Variants in SORCS1 observed in about 807,000 individuals in gnomAD.
The protein encoded by SORCS1 is sortilin related VPS10 domain containing receptor 1.
SORCS1 carries 60 observed loss-of-function variants against 146.1 expected under a neutral mutation model. The ratio of observed to expected loss-of-function variants is 0.41; its 90% confidence interval spans 0.33 to 0.51. The LOEUF (loss-of-function observed/expected upper bound fraction) is 0.51. Among genes scored for constraint, SORCS1 ranks in the 20% least tolerant of loss-of-function variants. The pLI is 0.21. For synonymous variants in SORCS1, 637 were observed against 584.0 expected (o/e 1.09, Z -1.31); for missense variants, 1,352 against 1,487.6 (o/e 0.91, Z 1.50).
At chr10:106,758,937 G>A (rs925767948) in intron 5 of SORCS1, among the ~76,000 whole-genome samples, 1 of 152,148 alleles carries the variant, frequency 6.6e-6, no homozygotes, top group Non-Finnish European at 1.5e-5. Flanking sequence ...CATTATGATA[G>A]GGGAAAAAGT....
chr10:107,094,393 A>G (rs966626304), intron 1 of SORCS1, among the ~76,000 whole-genome samples: 4 of 152,174 alleles, frequency 2.6e-5, no homozygotes, highest in Non-Finnish European at 2.9e-5. Flanking sequence ...GTTGGAAAAC[A>G]TTTCTAAATA....
intron 5 of SORCS1, among the ~76,000 whole-genome samples, chr10:106,754,277 A>G (rs1858473735): frequency 6.6e-6 from 1 of 152,220 alleles, no homozygotes; most frequent in Non-Finnish European, 1.5e-5. Context: ...AAGCTTCTAG[A>G]GGCCACTGCA....
intron 3 of SORCS1, among the ~76,000 whole-genome samples, chr10:106,789,544 T>C (rs535150612): frequency 2.6e-5 from 4 of 152,364 alleles, no homozygotes; most frequent in Admixed American, 2.0e-4. Flanking sequence ...TGCTAAAGTA[T>C]AGCAAGAGTG....
intron 2 of SORCS1, among the ~76,000 whole-genome samples, chr10:106,895,582 G>A (rs1313971263): frequency 6.6e-6 from 1 of 152,190 alleles, no homozygotes; most frequent in Non-Finnish European, 1.5e-5. Flanking sequence ...CCGCACTCCA[G>A]CCTGGGAGAC....
intron 5 of SORCS1, among the ~76,000 whole-genome samples, chr10:106,745,376 A>C (rs1857650359): frequency 6.6e-6 from 1 of 151,536 alleles, no homozygotes; most frequent in South Asian, 2.1e-4. Context: ...GTGCCACCAC[A>C]CTCCAGCCTG....
rs188365870 is a variant in SORCS1 at position 106,677,232 on chromosome 10, G to A, written c.1832+81C>T. 4.7e-5 allele frequency: 61 copies of A among 1,308,214 alleles called. No individual in the cohort carries two copies. In the African/African-American group the frequency reaches 6.7e-4, roughly 14 times the overall value. 81.0% of individuals were successfully genotyped at this position (1,308,214 alleles called of 1,614,324 possible). A position where few individuals can be genotyped will look rare whatever the true frequency, so the allele number is the denominator to read the frequency against. On this transcript the variant is annotated intron_variant, in intron 13 of 25. Coordinates refer to ENST00000263054, the MANE Select transcript of SORCS1 (RefSeq NM_052918.5). Reference sequence around the variant, plus strand: ...CAGATTTACTACAGAAACAGACACGGTTTGATAGCCTGACTCCTAGACTGA... The same window carrying A: ...CAGATTTACTACAGAAACAGACACGATTTGATAGCCTGACTCCTAGACTGA...
At chr10:106,892,487 CT>C (rs1951275249) in intron 2 of SORCS1, among the ~76,000 whole-genome samples, 2 of 152,182 alleles carry the variant, frequency 1.3e-5, no homozygotes, top group Admixed American at 1.3e-4. Context: ...ACTTACCAAA[CT>C]TTTTTCACAG....
chr10:107,055,368 T>C (rs1250553434), intron 1 of SORCS1, among the ~76,000 whole-genome samples: 1 of 150,888 alleles, frequency 6.6e-6, no homozygotes, highest in Admixed American at 6.6e-5. Context: ...AGATAGTGAG[T>C]TTAAGTTATA....
chr10:106,924,534 C>G (rs750010158), intron 2 of SORCS1, among the ~76,000 whole-genome samples: 11 of 151,772 alleles, frequency 7.2e-5, no homozygotes, highest in Non-Finnish European at 1.6e-4. Context: ...TGGGCAGGAG[C>G]TACTCCAAAA....
Position 106,573,785 on chromosome 10 carries a change from G to A in SORCS1, c.*3635C>T, listed in dbSNP as rs1844469353. 1.3e-5 allele frequency: 2 copies of A among 152,210 alleles called. No homozygotes were observed. The highest frequency in any genetic ancestry group is 4.8e-5 in the African/African-American group (2 of 41,372). 9.4% of individuals were successfully genotyped at this position (152,210 alleles called of 1,614,324 possible). A position where few individuals can be genotyped will look rare whatever the true frequency, so the allele number is the denominator to read the frequency against. Reference sequence around the variant, plus strand: ...AAAAACAGCCAAAAACCTCAAGCCTGTGGTGTTTACTCTTTCTTATGCAAT... The same window carrying A: ...AAAAACAGCCAAAAACCTCAAGCCTATGGTGTTTACTCTTTCTTATGCAAT... On this transcript the variant is annotated 3_prime_UTR_variant, in exon 26 of 26. Transcript: ENST00000263054.
chr10:106,723,962 T>A (rs1045233924), intron 6 of SORCS1, among the ~76,000 whole-genome samples: 21 of 152,256 alleles, frequency 1.4e-4, no homozygotes, highest in African/African-American at 4.8e-4. Flanking sequence ...AAAAAACAAA[T>A]ATTTAATACC....
intron 3 of SORCS1, among the ~76,000 whole-genome samples, chr10:106,801,154 A>G (rs1946848613): frequency 6.6e-6 from 1 of 152,240 alleles, no homozygotes; most frequent in Non-Finnish European, 1.5e-5. Context: ...TTTAGAAATT[A>G]GCTCATTAAA....
chr10:107,144,213 C>G (rs1041404572), intron 1 of SORCS1, among the ~76,000 whole-genome samples: 1 of 152,158 alleles, frequency 6.6e-6, no homozygotes, highest in Non-Finnish European at 1.5e-5. Context: ...TACTCCACTC[C>G]CATTTGGCTA....
chr10:106,597,212 G>A (rs529102910), intron 24 of SORCS1, 139 bp downstream of exon 24: 16 of 673,072 alleles, frequency 2.4e-5, no homozygotes, highest in Non-Finnish European at 3.6e-5. Context: ...CACCAAGCAA[G>A]GGAACCTCCA....
intron 17 of SORCS1, among the ~76,000 whole-genome samples, chr10:106,656,553 A>G (rs1387099803): frequency 6.6e-6 from 1 of 152,222 alleles, no homozygotes; most frequent in Non-Finnish European, 1.5e-5. Context: ...CAAAAAAAGA[A>G]AAAAGAAAAG....
intron 1 of SORCS1, among the ~76,000 whole-genome samples, chr10:107,018,113 T>A (rs572608474): frequency 4.7e-4 from 71 of 152,304 alleles, no homozygotes; most frequent in Admixed American, 1.4e-3. Context: ...TCTTGCTAAG[T>A]TCCCCCTAGT....
At chr10:107,063,839 T>C (rs1961471818) in intron 1 of SORCS1, among the ~76,000 whole-genome samples, 1 of 152,212 alleles carries the variant, frequency 6.6e-6, no homozygotes, top group Non-Finnish European at 1.5e-5. Flanking sequence ...CATTCCCCCA[T>C]ATTCCCAATG....
intron 18 of SORCS1, among the ~76,000 whole-genome samples, chr10:106,640,991 G>A (rs145008275): frequency 1.1e-3 from 169 of 152,020 alleles, no homozygotes; most frequent in African/African-American, 3.3e-3. Context: ...TTGTGTGCGC[G>A]TGCATGTGTG....
intron 18 of SORCS1, among the ~76,000 whole-genome samples, chr10:106,648,917 C>T (rs1183856384): frequency 6.6e-6 from 1 of 151,968 alleles, no homozygotes; most frequent in Non-Finnish European, 1.5e-5. Context: ...GGCAGATGGA[C>T]ATGGAGAGGA....
Sources: allele counts gnomAD v4.1 joint callset (sites outside exome capture counted in the v4.1 genomes callset), GRCh38; gene constraint gnomAD v4.1.1; transcripts MANE v1.5; gene names NCBI Gene and HGNC (gene_info 2026-07-23, HGNC 2026-07-21).